Variants in STYK1 observed in about 807,000 individuals in gnomAD.
The protein encoded by STYK1 is tyrosine-protein kinase STYK1.
STYK1 carries 46 observed loss-of-function variants against 48.1 expected under a neutral mutation model. The observed-to-expected ratio is 0.96, with a 90% CI of 0.75 to 1.22. The LOEUF (loss-of-function observed/expected upper bound fraction) is 1.22, where lower values mean the gene tolerates loss of function less well. Ranked by LOEUF, STYK1 falls within the 50% of genes most tolerant of loss-of-function variation. The pLI, the probability that STYK1 is intolerant of heterozygous loss-of-function variation, is 0.00. For synonymous variants in STYK1, 188 were observed against 189.0 expected, an observed-to-expected ratio of 0.99 and a Z score of 0.04; for missense variants, 527 against 521.1, an observed-to-expected ratio of 1.01 and a Z score of -0.11.
chr12:10,665,817 A>G (rs1233176900), intron 1 of STYK1, among the ~76,000 whole-genome samples: 1 of 152,184 alleles, frequency 6.6e-6, no homozygotes, highest in Non-Finnish European at 1.5e-5. Context: ...GACTTATACT[A>G]AGATATCAGC....
intron 7 of STYK1, among the ~76,000 whole-genome samples, chr12:10,626,733 A>G (rs988031282): frequency 1.3e-5 from 2 of 152,106 alleles, no homozygotes; most frequent in Admixed American, 1.3e-4. Context: ...TAGGCCGGGC[A>G]CGGTGGCTCA....
Position 10,619,592 on chromosome 12 carries a change from G to C in STYK1, c.*552C>G. 6.3e-6 allele frequency: 1 copy of C among 157,824 alleles called. No individual in the cohort carries two copies. The highest frequency in any genetic ancestry group is 1.4e-5 in the Non-Finnish European group (1 of 71,906). 9.8% of individuals were successfully genotyped at this position (157,824 alleles called of 1,614,324 possible). ...TTATCTATACCTAAGGTGAAACTCA[G>C]AGGTTTTTCCGTTATAGTTCTCCTC... On this transcript the variant is annotated 3_prime_UTR_variant, in exon 11 of 11. Transcript: ENST00000075503.
rs1289469630 is a variant in STYK1 at position 10,640,970 on chromosome 12, T to C, written c.-194-3774A>G. Among the ~76,000 whole-genome samples, 3 of 152,382 alleles carry C rather than the reference T, an allele frequency of 2.0e-5. No individual in the cohort carries two copies. The East Asian group carries it at 5.8e-4, about 29-fold the overall frequency. On this transcript the variant is annotated intron_variant, in intron 1 of 10. Transcript: ENST00000075503. ...TATACAAATTCAAAACAGTTTATTT[T>C]TATTATAATTATCTTGCTATTTTGT...
Position 10,634,587 on chromosome 12 carries a change from C to T in STYK1, c.32G>A (p.Ser11Asn). The change falls in exon 3 of 11, where the codon AGT becomes AAT. Residue 11 changes from serine to asparagine, a missense_variant. Transcript: ENST00000075503. ...CTTACCACACAACTTGTCACTGAGA[C>T]TGCATTCCAGGAGCATCCGTGTCAT... MGMTRMLLECSLSDKLCVIQE... is the reference protein window; with the variant it reads MGMTRMLLECNLSDKLCVIQE... The T allele has an allele frequency of 6.2e-7, 1 of 1,614,188 alleles. No homozygotes were observed. The highest frequency in any genetic ancestry group is 8.5e-7 in the Non-Finnish European group (1 of 1,180,028).
At chr12:10,633,836 T>C in intron 4 of STYK1, 154 bp downstream of exon 4, 2 of 870,310 alleles carry the variant, frequency 2.3e-6, no homozygotes, top group South Asian at 2.0e-5. Flanking sequence ...AGAAAAGAGA[T>C]CATCCCCCTC....
In STYK1 at chr12:10,619,165, C is replaced by T. The variant is rs561023979; in HGVS notation, c.*979G>A. The T allele has an allele frequency of 6.6e-6, 1 of 152,070 alleles. No individual in the cohort carries two copies. Among genetic ancestry groups the T allele is most frequent in the Non-Finnish European group, 1.5e-5 (1 of 67,998 alleles). 9.4% of individuals were successfully genotyped at this position (152,070 alleles called of 1,614,324 possible). A position where few individuals can be genotyped will look rare whatever the true frequency, so the allele number is the denominator to read the frequency against. On this transcript the variant is annotated 3_prime_UTR_variant, in exon 11 of 11. Transcript: ENST00000075503. ...TATGATATTTTTAGTAGTTATAAAC[C>T]AGAAAAGCATATTTCCATTTAATAA...
At chr12:10,636,278 TAAAC>T (rs1947484750) in intron 2 of STYK1, among the ~76,000 whole-genome samples, 1 of 152,214 alleles carries the variant, frequency 6.6e-6, no homozygotes, top group African/African-American at 2.4e-5. Context: ...GTTTAATAGT[TAAAC>T]AATTCCCTTA....
At chr12:10,622,549 C>CT in intron 9 of STYK1, 89 bp downstream of exon 9, 2 of 1,494,508 alleles carry the variant, frequency 1.3e-6, no homozygotes, top group Non-Finnish European at 1.9e-6. Context: ...TACTGAAACC[C>CT]TTTCAGAAAG....
chr12:10,655,343 T>C (rs1217056524), intron 1 of STYK1, among the ~76,000 whole-genome samples: 1 of 152,226 alleles, frequency 6.6e-6, no homozygotes, highest in African/African-American at 2.4e-5. Flanking sequence ...TTGGAGTTTA[T>C]GACAAAGTTA....
chr12:10,652,764 A>C (rs1258067736), intron 1 of STYK1, among the ~76,000 whole-genome samples: 1 of 135,570 alleles, frequency 7.4e-6, no homozygotes, highest in African/African-American at 2.6e-5. Context: ...GAGAGGTAAT[A>C]TGAGATGCAC....
At chr12:10,665,103 G>A (rs898781617) in intron 1 of STYK1, among the ~76,000 whole-genome samples, 8 of 152,172 alleles carry the variant, frequency 5.3e-5, no homozygotes, top group Non-Finnish European at 1.0e-4. Context: ...GGTCACTTGG[G>A]GTTATGGGAG....
chr12:10,662,543 C>T (rs1223742832), intron 1 of STYK1, among the ~76,000 whole-genome samples: 3 of 152,174 alleles, frequency 2.0e-5, no homozygotes, highest in Admixed American at 2.0e-4. Flanking sequence ...GTCTTTTTTA[C>T]TGTAGCCCAA....
chr12:10,629,385 C>T, intron 6 of STYK1, 108 bp downstream of exon 6: 1 of 1,125,832 alleles, frequency 8.9e-7, no homozygotes, highest in Admixed American at 2.1e-5. Flanking sequence ...TTCTGTCATG[C>T]TATTATAGTG....
chr12:10,673,954 C>G lies in STYK1; in HGVS notation c.-195+12G>C, dbSNP rs1947916493. ...TCCCCGCCGCGCCCGCCCCCCATACCCCGTTCACTACCGTGTCCCTCCTCT... is the reference window on the plus strand; with the variant it reads ...TCCCCGCCGCGCCCGCCCCCCATACGCCGTTCACTACCGTGTCCCTCCTCT... On this transcript the variant is annotated intron_variant, in intron 1 of 10. Transcript: ENST00000075503. 6.6e-6 allele frequency: 1 copy of G among 152,428 alleles called. No homozygotes were observed. Among genetic ancestry groups the G allele is most frequent in the Non-Finnish European group, 1.5e-5 (1 of 68,204 alleles). The allele number at this position is 152,428 out of a possible 1,614,324, so 9.4% of individuals were successfully genotyped here.
chr12:10,633,468 AGTTTCATCT>A (rs1256409534), intron 4 of STYK1, among the ~76,000 whole-genome samples: 1 of 152,122 alleles, frequency 6.6e-6, no homozygotes, highest in African/African-American at 2.4e-5. Context: ...TTTTACCCTG[AGTTTCATCT>A]GTGAATTGAT....
intron 4 of STYK1, among the ~76,000 whole-genome samples, chr12:10,631,592 A>G (rs1947429830): frequency 6.6e-6 from 1 of 152,176 alleles, no homozygotes; most frequent in African/African-American, 2.4e-5. Flanking sequence ...AGTACTTCCC[A>G]TGAGTGTGGT....
chr12:10,634,323 C>T (rs1947462386), intron 3 of STYK1, among the ~76,000 whole-genome samples, 199 bp from the exon 4 acceptor site: 1 of 152,178 alleles, frequency 6.6e-6, no homozygotes, highest in South Asian at 2.1e-4. Context: ...TGTTTCTTAG[C>T]CCATCAAATG....
intron 1 of STYK1, among the ~76,000 whole-genome samples, chr12:10,652,976 T>A (rs779292164): frequency 3.3e-5 from 5 of 152,196 alleles, no homozygotes; most frequent in Non-Finnish European, 7.3e-5. Context: ...GGAAGAAACT[T>A]CTCCTGAAAT....
rs187052119 is a variant in STYK1 at position 10,656,984 on chromosome 12, G to A, written c.-195+16982C>T. 2.2e-3 allele frequency among the ~76,000 whole-genome samples: 329 copies of A among 152,286 alleles called. 1 individual carries two copies. The highest frequency in any genetic ancestry group is 7.6e-3 in the African/African-American group (317 of 41,556). On this transcript the variant is annotated intron_variant, in intron 1 of 10. Transcript: ENST00000075503. ...ACTAGGTAGGAAACATACTTTTAGG[G>A]ATGGCTAATGGAAGTTATGGGGGAT...
Sources: allele counts gnomAD v4.1 joint callset (sites outside exome capture counted in the v4.1 genomes callset), GRCh38; gene constraint gnomAD v4.1.1; transcripts MANE v1.5; gene names NCBI Gene and HGNC (gene_info 2026-07-23, HGNC 2026-07-21).